UTS2B: variants seen among roughly 807,000 people sequenced by gnomAD.
The protein encoded by UTS2B is urotensin 2B.
In UTS2B, 21 loss-of-function variants were observed where a neutral mutation model predicts 19.2. The ratio of observed to expected loss-of-function variants is 1.09; its 90% CI spans 0.78 to 1.58. The LOEUF (loss-of-function observed/expected upper bound fraction) is 1.58, where lower values mean the gene tolerates loss of function less well. UTS2B is among the 40% of genes most tolerant of loss of function. The pLI is 0.00. For missense variants in UTS2B, 138 were observed against 130.3 expected (o/e 1.06, Z -0.29); for synonymous variants, 57 against 50.2 (o/e 1.14, Z -0.58).
At chr3:191,336,131 TG>T in the UTS2B span, among the ~76,000 whole-genome samples, 5 of 151,402 alleles carry the variant, frequency 3.3e-5, no homozygotes, top group African/African-American at 9.7e-5. Context: ...TGTGTACAAG[TG>T]TTTTTTTTTT....
intron 4 of UTS2B, among the ~76,000 whole-genome samples, chr3:191,297,650 A>G (rs1716890425): frequency 1.3e-5 from 2 of 152,206 alleles, no homozygotes; most frequent in Non-Finnish European, 2.9e-5. Flanking sequence ...GAGGACAAGG[A>G]TAGTAATGCC....
chr3:191,307,830 TTCTTC>T lies in UTS2B; in HGVS notation c.-181-3287_-181-3283del, dbSNP rs1717184058. ...TTTTTTCTTTTCTTTTCTTTTCGTT[TTCTTC>T]TCTTTTTTTTTTTTTTTTGAGTCAG... On this transcript the variant is annotated intron_variant, in intron 3 of 8. Coordinates refer to ENST00000340524, the MANE Select transcript of UTS2B (RefSeq NM_198152.5). Among the ~76,000 whole-genome samples the T allele has an allele frequency of 2.1e-5, 3 of 142,614 alleles. No homozygotes were observed. The South Asian group carries it at 6.8e-4, about 32-fold the overall frequency. 93.6% of individuals were successfully genotyped at this position (142,614 alleles called of 152,430 possible).
Position 191,307,876 on chromosome 3 carries a change from C to T in UTS2B, c.-181-3328G>A, listed in dbSNP as rs151293276. 2.9e-3 allele frequency among the ~76,000 whole-genome samples: 426 copies of T among 147,018 alleles called. 2 individuals are homozygous for T. The highest frequency in any genetic ancestry group is 9.4e-3 in the African/African-American group (364 of 38,622). Reference sequence around the variant, plus strand: ...TTTGAGTCAGAGTCTCGCTCCGTTGCCCAGGCTGGAGTGTAGTGGCACAAT... The same window carrying T: ...TTTGAGTCAGAGTCTCGCTCCGTTGTCCAGGCTGGAGTGTAGTGGCACAAT... On this transcript the variant is annotated intron_variant, in intron 3 of 8. Coordinates refer to ENST00000340524, the MANE Select transcript of UTS2B (RefSeq NM_198152.5).
intron 5 of UTS2B, among the ~76,000 whole-genome samples, chr3:191,281,083 A>G (rs1200734570): frequency 6.6e-6 from 1 of 152,178 alleles, no homozygotes; most frequent in African/African-American, 2.4e-5. Context: ...TGATTGAGGT[A>G]ACAAGGTCTG....
At position 191,275,294 on chromosome 3, in the gene UTS2B, A is replaced by C; in HGVS notation, c.292T>G (p.Tyr98Asp). 6.2e-7 allele frequency: 1 copy of C among 1,613,928 alleles called. No homozygotes were observed. Among genetic ancestry groups the C allele is most frequent in the African/African-American group, 1.3e-5 (1 of 75,046 alleles). Residue 98 changes from tyrosine (Y) to aspartate (D), a missense_variant, in exon 8 of 9, where the codon TAT becomes GAT. Tyr to Asp is a radical substitution (Grantham distance 160). Transcript: ENST00000340524. Reference sequence around the variant, plus strand: ...GAAGAGAATAGACCATCTACAGCATAGGACGTCTCAGAATCCTTCTCCTCC... The same window carrying C: ...GAAGAGAATAGACCATCTACAGCATCGGACGTCTCAGAATCCTTCTCCTCC... Reference protein sequence around the residue: ...LVEEKDSETSYAVDGLFSSHP... With the variant: ...LVEEKDSETSDAVDGLFSSHP...
chr3:191,323,629 T>C, intron 2 of UTS2B, among the ~76,000 whole-genome samples: 1 of 152,180 alleles, frequency 6.6e-6, no homozygotes, highest in Admixed American at 6.5e-5. Context: ...AGCCATGTCT[T>C]GGCATCTTGC....
intron 4 of UTS2B, among the ~76,000 whole-genome samples, chr3:191,289,283 C>A (rs1716642521): frequency 6.6e-6 from 1 of 152,036 alleles, no homozygotes; most frequent in South Asian, 2.1e-4. Flanking sequence ...GTGGCAGGCG[C>A]CTGTAGGCCC....
chr3:191,293,039 G>A (rs1200287029), intron 4 of UTS2B, among the ~76,000 whole-genome samples: 1 of 151,670 alleles, frequency 6.6e-6, no homozygotes, highest in East Asian at 1.9e-4. Flanking sequence ...CCTTTATTCT[G>A]TTAATATGTT....
At chr3:191,325,006 T>A (rs1181335086) in intron 2 of UTS2B, among the ~76,000 whole-genome samples, 2 of 151,932 alleles carry the variant, frequency 1.3e-5, no homozygotes, top group Admixed American at 1.3e-4. Context: ...ACCGAGATTG[T>A]GCCACTGCAC....
intron 2 of UTS2B, among the ~76,000 whole-genome samples, chr3:191,324,774 C>A (rs779219583): frequency 1.1e-4 from 16 of 152,092 alleles, no homozygotes; most frequent in East Asian, 1.9e-4. Context: ...CAAGGCCCGG[C>A]GTGGTGGCTC....
chr3:191,269,463 G>A lies in UTS2B; in HGVS notation c.335-1022C>T, dbSNP rs80265345. Among the ~76,000 whole-genome samples, 1,122 of 151,034 alleles carry A rather than the reference G, an allele frequency of 7.4e-3. 16 individuals are homozygous for A. The highest frequency in any genetic ancestry group is 0.026 in the African/African-American group (1,063 of 41,198). ...CTATTTTCAGACATTGAAGTGAGGC[G>A]CTTCACCCACTAATCTCACCTTCTT... On this transcript the variant is annotated intron_variant, in intron 8 of 8. Transcript: ENST00000340524.
At chr3:191,318,817 T>G (rs1717535007) in intron 2 of UTS2B, among the ~76,000 whole-genome samples, 1 of 152,188 alleles carries the variant, frequency 6.6e-6, no homozygotes, top group Non-Finnish European at 1.5e-5. Context: ...TTGTTTTTTG[T>G]TTTTGTTTTT....
intron 2 of UTS2B, among the ~76,000 whole-genome samples, chr3:191,318,248 C>G (rs970559129): frequency 2.0e-5 from 3 of 152,200 alleles, no homozygotes; most frequent in African/African-American, 7.2e-5. Context: ...TGTATAGTTT[C>G]ACCAGACTTC....
chr3:191,273,357 ACTATAGGTACTT>A lies in UTS2B; in HGVS notation c.334+1883_334+1894del, dbSNP rs200218985. The A allele has an allele frequency of 1.5e-5, 6 of 411,582 alleles. No homozygotes were observed. In the East Asian group the frequency reaches 4.2e-4, roughly 29 times the overall value. The allele number at this position is 411,582 out of a possible 1,614,324, so 25.5% of individuals were successfully genotyped here. ...ATGATAGAGGCAGTGCTCACCAAGTACTATAGGTACTTCCTTACATTTACCAACCTGCCTTGC... is the reference window on the plus strand; with the variant it reads ...ATGATAGAGGCAGTGCTCACCAAGTACCTTACATTTACCAACCTGCCTTGC... On this transcript the variant is annotated intron_variant, in intron 8 of 8. Coordinates refer to ENST00000340524, the MANE Select transcript of UTS2B (RefSeq NM_198152.5).
chr3:191,304,920 C>A (rs564825877), intron 3 of UTS2B, among the ~76,000 whole-genome samples: 1 of 152,218 alleles, frequency 6.6e-6, no homozygotes, highest in East Asian at 1.9e-4. Flanking sequence ...TGAGAACATA[C>A]CATATTTGGT....
intron 2 of UTS2B, among the ~76,000 whole-genome samples, chr3:191,319,185 T>C (rs537384235): frequency 2.0e-5 from 3 of 152,200 alleles, no homozygotes; most frequent in African/African-American, 7.2e-5. Flanking sequence ...TATCCCTAGA[T>C]ATGCAAACTG....
chr3:191,269,720 G>T (rs1377279483), intron 8 of UTS2B, among the ~76,000 whole-genome samples: 1 of 152,080 alleles, frequency 6.6e-6, no homozygotes, highest in Non-Finnish European at 1.5e-5. Flanking sequence ...TGACCTCTCT[G>T]TCTTTTCAGA....
At chr3:191,274,058 T>C (rs1716165018) in intron 8 of UTS2B, among the ~76,000 whole-genome samples, 1 of 151,590 alleles carries the variant, frequency 6.6e-6, no homozygotes, top group African/African-American at 2.4e-5. Context: ...GCCGAGATTG[T>C]GCCATTGCAC....
chr3:191,318,347 C>A (rs1323334181), intron 2 of UTS2B, among the ~76,000 whole-genome samples: 1 of 152,194 alleles, frequency 6.6e-6, no homozygotes, highest in Non-Finnish European at 1.5e-5. Flanking sequence ...TCTGAGGTCA[C>A]AAGAAAAGTA....
Sources: gnomAD v4.1 joint callset for allele counts (sites outside exome capture counted in the v4.1 genomes callset) on GRCh38, gnomAD v4.1.1 for gene constraint, MANE v1.5 for transcripts, NCBI Gene and HGNC (gene_info 2026-07-23, HGNC 2026-07-21) for gene names.